Variants in DLG2 observed in about 807,000 individuals in gnomAD.
DLG2 encodes the protein discs large MAGUK scaffold protein 2.
In DLG2, 45 loss-of-function variants were observed where a neutral mutation model predicts 132.5. The ratio of observed to expected loss-of-function variants is 0.34; its 90% CI spans 0.27 to 0.44. DLG2 has a LOEUF of 0.44. Ranked by LOEUF, DLG2 falls within the 20% of genes least tolerant of loss-of-function variation. DLG2 has a pLI of 1.00. For missense variants in DLG2, 1,045 were observed against 1,196.9 expected (o/e 0.87, Z 1.87); for synonymous variants, 424 against 419.6 (o/e 1.01, Z -0.13).
chr11:85,258,610 T>A (rs17208192), intron 4 of DLG2, among the ~76,000 whole-genome samples: 1 of 152,194 alleles, frequency 6.6e-6, no homozygotes, highest in African/African-American at 2.4e-5. Context: ...TGTAAGCATA[T>A]ACCAGGTAAC....
intron 6 of DLG2, among the ~76,000 whole-genome samples, chr11:85,104,115 T>C (rs546522959): frequency 6.6e-6 from 1 of 151,958 alleles, no homozygotes; most frequent in Admixed American, 6.6e-5. Flanking sequence ...CTAGAAGGAA[T>C]GTAAAATGGT....
At chr11:84,710,062 A>G (rs2060212086) in intron 6 of DLG2, among the ~76,000 whole-genome samples, 1 of 151,926 alleles carries the variant, frequency 6.6e-6, no homozygotes, top group Non-Finnish European at 1.5e-5. Context: ...ACTTATGAAG[A>G]GAGAGTGTCA....
intron 7 of DLG2, among the ~76,000 whole-genome samples, chr11:84,406,176 C>T (rs2154449872): frequency 6.6e-6 from 1 of 152,284 alleles, no homozygotes; most frequent in South Asian, 2.1e-4. Flanking sequence ...ACACTTAACC[C>T]CTGATTACCT....
chr11:83,838,784 CAA>C (rs56885281), intron 16 of DLG2, among the ~76,000 whole-genome samples: 3 of 135,044 alleles, frequency 2.2e-5, no homozygotes, highest in Admixed American at 7.4e-5. Context: ...TGTTCCCAGA[CAA>C]AAAAAAAAAA....
At chr11:83,956,707 A>G (rs2086952329) in intron 14 of DLG2, among the ~76,000 whole-genome samples, 1 of 152,254 alleles carries the variant, frequency 6.6e-6, no homozygotes, top group Non-Finnish European at 1.5e-5. Flanking sequence ...TAGTTCACTC[A>G]GAATGGTTTT....
chr11:85,091,137 G>GT (rs2068705845), intron 6 of DLG2, among the ~76,000 whole-genome samples: 1 of 152,064 alleles, frequency 6.6e-6, no homozygotes, highest in Non-Finnish European at 1.5e-5. Flanking sequence ...TCCAACACTG[G>GT]GGATCAAATT....
intron 6 of DLG2, among the ~76,000 whole-genome samples, chr11:85,026,771 A>G (rs1321550229): frequency 6.6e-6 from 1 of 152,088 alleles, no homozygotes; most frequent in Non-Finnish European, 1.5e-5. Context: ...GGGGAGGCAG[A>G]GCTTACAGTG....
At chr11:85,206,810 G>C (rs1397922416) in intron 4 of DLG2, among the ~76,000 whole-genome samples, 1 of 151,984 alleles carries the variant, frequency 6.6e-6, no homozygotes, top group East Asian at 1.9e-4. Flanking sequence ...TCCAGCCTGG[G>C]TGACAAGAGC....
intron 7 of DLG2, among the ~76,000 whole-genome samples, chr11:84,323,597 A>C (rs568381494): frequency 3.8e-4 from 57 of 151,772 alleles, no homozygotes; most frequent in African/African-American, 1.3e-3. Flanking sequence ...TCTATTTTTC[A>C]TTTTTTGGGA....
chr11:84,744,326 T>G (rs1325684269), intron 6 of DLG2, among the ~76,000 whole-genome samples: 2 of 152,204 alleles, frequency 1.3e-5, no homozygotes, highest in African/African-American at 4.8e-5. Flanking sequence ...TCTTGCACAA[T>G]GCCTTTGAAG....
intron 7 of DLG2, among the ~76,000 whole-genome samples, chr11:84,363,523 C>A (rs1299241108): frequency 6.6e-6 from 1 of 151,908 alleles, no homozygotes; most frequent in Admixed American, 6.6e-5. Flanking sequence ...AATTAGATCC[C>A]ATTTGTCAAT....
chr11:84,000,109 C>A (rs1440802398), intron 11 of DLG2, among the ~76,000 whole-genome samples: 1 of 151,654 alleles, frequency 6.6e-6, no homozygotes, highest in Non-Finnish European at 1.5e-5. Flanking sequence ...TTATGAAAAC[C>A]AATACAAAGA....
At chr11:84,405,226 G>GTAA (rs2098844499) in intron 7 of DLG2, among the ~76,000 whole-genome samples, 3 of 152,302 alleles carry the variant, frequency 2.0e-5, no homozygotes, top group Admixed American at 2.0e-4. Context: ...TTTCAATTTA[G>GTAA]TAATACAAGG....
At chr11:83,889,853 C>T (rs556944049) in intron 15 of DLG2, among the ~76,000 whole-genome samples, 181 of 150,996 alleles carry the variant, frequency 1.2e-3, no homozygotes, top group South Asian at 2.7e-3. Flanking sequence ...AGTAAACTAT[C>T]GCAAGAACAA....
At chr11:84,195,935 T>C (rs1327720563) in intron 8 of DLG2, among the ~76,000 whole-genome samples, 7 of 152,154 alleles carry the variant, frequency 4.6e-5, no homozygotes, top group Non-Finnish European at 1.0e-4. Flanking sequence ...TTCTAGGACA[T>C]AGAACTCCTG....
At chr11:85,110,470 A>C (rs73525405) in intron 6 of DLG2, among the ~76,000 whole-genome samples, 135 of 152,000 alleles carry the variant, frequency 8.9e-4, no homozygotes, top group African/African-American at 2.8e-3. Context: ...TCTCTATCAT[A>C]AGTAGTCCCT....
At chr11:85,431,108 C>A (rs577033978) in intron 3 of DLG2, among the ~76,000 whole-genome samples, 20 of 152,148 alleles carry the variant, frequency 1.3e-4, no homozygotes, top group Non-Finnish European at 2.4e-4. Context: ...AGAAGATATT[C>A]TTGTTTCCAA....
intron 10 of DLG2, among the ~76,000 whole-genome samples, chr11:84,079,952 C>T (rs970374494): frequency 6.6e-6 from 1 of 152,192 alleles, no homozygotes; most frequent in Non-Finnish European, 1.5e-5. Context: ...TAAATATTAA[C>T]TCTCTACAAG....
At chr11:84,374,643 A>G (rs1278243829) in intron 7 of DLG2, among the ~76,000 whole-genome samples, 1 of 152,098 alleles carries the variant, frequency 6.6e-6, no homozygotes, top group Non-Finnish European at 1.5e-5. Context: ...CATTCTTACT[A>G]CCACTAGCTT....
Sources: allele counts gnomAD v4.1 joint callset (sites outside exome capture counted in the v4.1 genomes callset), GRCh38; gene constraint gnomAD v4.1.1; transcripts MANE v1.5; gene names NCBI Gene and HGNC (gene_info 2026-07-23, HGNC 2026-07-21).